The following SOX5 variants were observed in gnomAD, a reference collection of about 807,000 sequenced individuals.
SOX5 encodes the protein transcription factor SOX-5.
Under a neutral mutation model 92.0 loss-of-function variants are expected in SOX5, and 9 were observed. That is an observed-to-expected ratio of 0.10 (90% CI 0.06 to 0.17). The LOEUF (loss-of-function observed/expected upper bound fraction) is 0.17. Ranked by LOEUF, SOX5 falls within the 10% of genes least tolerant of loss-of-function variation. The probability of loss-of-function intolerance (pLI) is 1.00; values close to 1 mark genes in which losing one functional copy is unlikely to be tolerated. For synonymous variants in SOX5, 344 were observed against 336.3 expected (o/e 1.02, Z -0.25); for missense variants, 642 against 944.5 (o/e 0.68, Z 4.20).
chr12:24,536,748 C>A (rs961822024), intron 1 of SOX5, among the ~76,000 whole-genome samples: 6 of 152,184 alleles, frequency 3.9e-5, no homozygotes, highest in African/African-American at 1.4e-4. Flanking sequence ...GCTTTGTAAT[C>A]TGTGATTCTC....
intron 3 of SOX5, among the ~76,000 whole-genome samples, chr12:24,240,311 C>T (rs575283186): frequency 6.6e-6 from 1 of 152,288 alleles, no homozygotes; most frequent in South Asian, 2.1e-4. Flanking sequence ...TGTAACGCCT[C>T]ACTTGCCTCT....
intron 3 of SOX5, among the ~76,000 whole-genome samples, chr12:23,808,351 T>C (rs1380533139): frequency 1.3e-5 from 2 of 152,124 alleles, no homozygotes; most frequent in African/African-American, 2.4e-5. Context: ...CCTTAGTTTT[T>C]CATGACACTC....
intron 3 of SOX5, among the ~76,000 whole-genome samples, chr12:24,251,607 T>C: frequency 6.6e-6 from 1 of 151,868 alleles, no homozygotes; most frequent in East Asian, 1.9e-4. Context: ...GTCTCACTTT[T>C]GTCGCCCAGG....
chr12:23,858,086 T>A (rs35506588), intron 2 of SOX5, among the ~76,000 whole-genome samples: 1 of 152,026 alleles, frequency 6.6e-6, no homozygotes, highest in Admixed American at 6.6e-5. Context: ...TGTGTGTGTG[T>A]GTGTATATGC....
intron 4 of SOX5, among the ~76,000 whole-genome samples, chr12:24,109,996 T>C (rs1235273172): frequency 6.6e-6 from 1 of 152,296 alleles, no homozygotes; most frequent in East Asian, 1.9e-4. Context: ...AGAATAATGA[T>C]GAGGTTTCAA....
intron 3 of SOX5, among the ~76,000 whole-genome samples, chr12:23,774,589 T>C (rs1160862446): frequency 6.6e-6 from 1 of 152,186 alleles, no homozygotes; most frequent in East Asian, 1.9e-4. Context: ...TATAAAGTTA[T>C]AGTAAATTGT....
intron 3 of SOX5, among the ~76,000 whole-genome samples, chr12:23,784,806 G>A (rs2095349737): frequency 1.3e-5 from 2 of 152,190 alleles, no homozygotes; most frequent in African/African-American, 2.4e-5. Flanking sequence ...GCCACACGCA[G>A]TGGCTCACAC....
At chr12:23,675,957 AT>A (rs1335934831) in intron 6 of SOX5, among the ~76,000 whole-genome samples, 2 of 152,152 alleles carry the variant, frequency 1.3e-5, no homozygotes, top group Non-Finnish European at 2.9e-5. Flanking sequence ...CGTCATATCT[AT>A]TAGGATGGCT....
chr12:24,049,840 T>C (rs1482617571), intron 4 of SOX5, among the ~76,000 whole-genome samples: 2 of 151,648 alleles, frequency 1.3e-5, no homozygotes, highest in Non-Finnish European at 2.9e-5. Context: ...TGCTGCAGTG[T>C]TTCTGTTGTG....
chr12:24,140,734 G>A (rs1264009680), intron 4 of SOX5, among the ~76,000 whole-genome samples: 16 of 152,022 alleles, frequency 1.1e-4, no homozygotes, highest in East Asian at 5.8e-4. Flanking sequence ...ACTCCTAAAC[G>A]GTCTATAATT....
At chr12:24,324,855 T>G (rs1344909143) in intron 2 of SOX5, among the ~76,000 whole-genome samples, 2 of 152,052 alleles carry the variant, frequency 1.3e-5, no homozygotes, top group African/African-American at 4.8e-5. Context: ...CAATAAAGGT[T>G]AGTTATTACT....
intron 1 of SOX5, among the ~76,000 whole-genome samples, chr12:23,941,004 C>A (rs1163972792): frequency 6.6e-6 from 1 of 151,434 alleles, no homozygotes; most frequent in Non-Finnish European, 1.5e-5. Context: ...CCACAGGATT[C>A]TGAGCTGCAA....
At chr12:23,938,605 A>G (rs1943057573) in intron 1 of SOX5, among the ~76,000 whole-genome samples, 1 of 151,070 alleles carries the variant, frequency 6.6e-6, no homozygotes, top group African/African-American at 2.4e-5. Context: ...ATCTTAAAGC[A>G]TAGGAATATG....
chr12:23,622,528 A>ATT lies in SOX5; in HGVS notation c.1018-17997_1018-17996dup, dbSNP rs5797031. 5.3e-5 allele frequency among the ~76,000 whole-genome samples: 8 copies of ATT among 151,900 alleles called. No individual in the cohort carries two copies. The East Asian group carries it at 9.7e-4, about 18-fold the overall frequency. ...AGCGAATTTGAAAATAAAAAGGGTG[A>ATT]TTTTTTTAAAATGAAGAAAAATCCA... On this transcript the variant is annotated intron_variant, in intron 8 of 14. Coordinates refer to ENST00000451604, the MANE Select transcript of SOX5 (RefSeq NM_006940.6).
chr12:24,320,631 C>T (rs1466145545), intron 2 of SOX5, among the ~76,000 whole-genome samples: 2 of 151,910 alleles, frequency 1.3e-5, no homozygotes, highest in East Asian at 1.9e-4. Context: ...TTTGGGAGGC[C>T]GAGGCGGGGA....
intron 1 of SOX5, among the ~76,000 whole-genome samples, chr12:23,904,390 C>A (rs1222814859): frequency 6.6e-6 from 1 of 151,838 alleles, no homozygotes; most frequent in Non-Finnish European, 1.5e-5. Context: ...CAGGTCCTGG[C>A]ATAAAATATA....
chr12:24,394,415 G>A (rs534507221), intron 1 of SOX5, among the ~76,000 whole-genome samples: 5 of 152,212 alleles, frequency 3.3e-5, no homozygotes, highest in East Asian at 1.9e-4. Flanking sequence ...GAGCCCGGCC[G>A]CCACTGATGT....
intron 4 of SOX5, among the ~76,000 whole-genome samples, chr12:24,000,724 T>C (rs1330542055): frequency 6.6e-6 from 1 of 152,102 alleles, no homozygotes; most frequent in African/African-American, 2.4e-5. Flanking sequence ...TAAATACAGA[T>C]GCATGAAATA....
chr12:24,237,901 T>A (rs915753123), intron 3 of SOX5: 1 of 152,084 alleles, frequency 6.6e-6, no homozygotes, highest in African/African-American at 2.4e-5. Flanking sequence ...AAAGAATGAT[T>A]CCATCTCCAG....
Sources: allele counts gnomAD v4.1 joint callset (sites outside exome capture counted in the v4.1 genomes callset), GRCh38; gene constraint gnomAD v4.1.1; transcripts MANE v1.5; gene names NCBI Gene and HGNC (gene_info 2026-07-23, HGNC 2026-07-21).